NXPE2: variants seen among roughly 807,000 people sequenced by gnomAD.
NXPE2 encodes the protein NXPE family member 2.
NXPE2 carries 34 observed loss-of-function variants against 34.4 expected under a neutral mutation model. The ratio of observed to expected loss-of-function variants is 0.99; its 90% CI spans 0.75 to 1.31. The LOEUF is 1.31. NXPE2 is among the 40% of genes most tolerant of loss of function. The probability of loss-of-function intolerance (pLI) is 0.00; values close to 1 mark genes in which losing one functional copy is unlikely to be tolerated. For missense variants in NXPE2, 649 were observed against 672.5 expected, an observed-to-expected ratio of 0.97 and a Z score of 0.39; for synonymous variants, 235 against 231.3, an observed-to-expected ratio of 1.02 and a Z score of -0.15.
At chr11:114,732,144 T>C in the NXPE2 span, among the ~76,000 whole-genome samples, 1 of 152,244 alleles carries the variant, frequency 6.6e-6, no homozygotes, top group Non-Finnish European at 1.5e-5. Context: ...ATTAAATTAA[T>C]GTATATTATT....
the NXPE2 span, chr11:114,584,515 T>A: frequency 5.7e-6 from 1 of 176,630 alleles, no homozygotes; most frequent in Admixed American, 6.2e-5. Flanking sequence ...GAAGAGTTCT[T>A]CGACTCTGAT....
the NXPE2 span, among the ~76,000 whole-genome samples, chr11:114,659,524 G>A: frequency 9.3e-5 from 14 of 150,414 alleles, 1 homozygote; most frequent in South Asian, 2.9e-3. Flanking sequence ...AACAAAAAAA[G>A]TTTGGAAAAC....
chr11:114,671,697 A>G, the NXPE2 span, among the ~76,000 whole-genome samples: 1 of 152,010 alleles, frequency 6.6e-6, no homozygotes, highest in Non-Finnish European at 1.5e-5. Context: ...ATCTAGCAAA[A>G]CTGTCTTTAA....
chr11:114,674,396 G>C (rs1950834474), upstream of NXPE2, among the ~76,000 whole-genome samples: 1 of 151,640 alleles, frequency 6.6e-6, no homozygotes, highest in South Asian at 2.1e-4. Flanking sequence ...ATTTCACTTA[G>C]CTACATAAAG....
At chr11:114,800,549 C>T in the NXPE2 span, among the ~76,000 whole-genome samples, 1 of 152,180 alleles carries the variant, frequency 6.6e-6, no homozygotes, top group Non-Finnish European at 1.5e-5. Context: ...AGCAAGATAT[C>T]TGCAAACCTC....
the NXPE2 span, among the ~76,000 whole-genome samples, chr11:114,714,296 C>A: frequency 2.0e-5 from 3 of 152,290 alleles, no homozygotes; most frequent in East Asian, 3.9e-4. Context: ...CAAGTTGATA[C>A]TGGAAACCAA....
the NXPE2 span, among the ~76,000 whole-genome samples, chr11:114,767,229 A>C: frequency 6.6e-6 from 1 of 152,180 alleles, no homozygotes; most frequent in Non-Finnish European, 1.5e-5. Context: ...TTTATAAATA[A>C]TAGTGCTTTC....
chr11:114,647,738 G>A, the NXPE2 span, among the ~76,000 whole-genome samples: 1 of 149,434 alleles, frequency 6.7e-6, no homozygotes, highest in Non-Finnish European at 1.5e-5. Context: ...ATCTCACTCT[G>A]TCACCCAGGC....
At chr11:114,788,590 G>A in the NXPE2 span, among the ~76,000 whole-genome samples, 1 of 152,146 alleles carries the variant, frequency 6.6e-6, no homozygotes, top group Non-Finnish European at 1.5e-5. Flanking sequence ...TATTTGTTTT[G>A]GAGACACTGG....
chr11:114,481,072 A>G, the NXPE2 span, among the ~76,000 whole-genome samples: 1 of 152,136 alleles, frequency 6.6e-6, no homozygotes, highest in South Asian at 2.1e-4. Flanking sequence ...AGGAGGCAGA[A>G]CCCTTGTGCT....
At chr11:114,779,886 AAAG>A in the NXPE2 span, among the ~76,000 whole-genome samples, 11 of 152,068 alleles carry the variant, frequency 7.2e-5, no homozygotes, top group Middle Eastern at 3.2e-3. Flanking sequence ...GAGTGACGAA[AAAG>A]AAGGAGTCTT....
chr11:114,530,729 G>A, the NXPE2 span: 68 of 1,614,076 alleles, frequency 4.2e-5, no homozygotes, highest in Non-Finnish European at 5.6e-5. Flanking sequence ...TGGTGGTGGT[G>A]TTCACATGGG....
At chr11:114,764,867 A>G in the NXPE2 span, among the ~76,000 whole-genome samples, 1 of 152,302 alleles carries the variant, frequency 6.6e-6, no homozygotes, top group East Asian at 1.9e-4. Context: ...CTTTGTGAAC[A>G]TCTAATGTAC....
At chr11:114,752,066 G>GT in the NXPE2 span, among the ~76,000 whole-genome samples, 1 of 152,198 alleles carries the variant, frequency 6.6e-6, no homozygotes, top group African/African-American at 2.4e-5. Flanking sequence ...AATTTGTGCT[G>GT]TTTTAAGATG....
chr11:114,796,529 T>A, the NXPE2 span, among the ~76,000 whole-genome samples: 2 of 151,994 alleles, frequency 1.3e-5, no homozygotes, highest in African/African-American at 4.8e-5. Flanking sequence ...CAAAAAAAAA[T>A]CTCTTGCAAC....
chr11:114,626,156 A>C, the NXPE2 span, among the ~76,000 whole-genome samples: 1 of 152,140 alleles, frequency 6.6e-6, no homozygotes, highest in Non-Finnish European at 1.5e-5. Context: ...GGGAAGCTCG[A>C]ACTGGGTGGA....
the NXPE2 span, among the ~76,000 whole-genome samples, chr11:114,659,726 G>A: frequency 1.8e-4 from 27 of 151,780 alleles, no homozygotes; most frequent in Non-Finnish European, 2.8e-4. Flanking sequence ...AAAGAACAAA[G>A]GTCTAAAATC....
chr11:114,614,848 G>A, the NXPE2 span, among the ~76,000 whole-genome samples: 1 of 151,850 alleles, frequency 6.6e-6, no homozygotes, highest in African/African-American at 2.4e-5. Context: ...AACAAGTGTT[G>A]CCTTATGGGT....
rs760470946 is a variant in NXPE2 at position 114,698,485 on chromosome 11, G to A, written c.573G>A (p.Leu191=). ...GGGAGGGCCAGGTTTCCCTGTCTCT[G>A]CTGCTCATCCACCCCAGTGAAGGGG... The part of the protein sequence containing the change: ...LFWEGQVSLS[L]LLIHPSEGVS... The change falls in exon 3 of 6, where the codon CTG becomes CTA. Residue 191 remains leucine (L), a synonymous_variant. Transcript: ENST00000389586. 1.2e-6 allele frequency: 2 copies of A among 1,614,086 alleles called. No homozygotes were observed. Among genetic ancestry groups the A allele is most frequent in the South Asian group, 2.2e-5 (2 of 91,064 alleles).
Sources: allele counts gnomAD v4.1 joint callset (sites outside exome capture counted in the v4.1 genomes callset), GRCh38; gene constraint gnomAD v4.1.1; transcripts MANE v1.5; gene names NCBI Gene and HGNC (gene_info 2026-07-23, HGNC 2026-07-21).